UBE2E2: variants seen among roughly 807,000 people sequenced by gnomAD.
The protein encoded by UBE2E2 is ubiquitin conjugating enzyme E2 E2, also known as ubiquitin-conjugating enzyme E2 E2.
Under a neutral mutation model 24.7 loss-of-function variants are expected in UBE2E2, and 6 were observed. The ratio of observed to expected loss-of-function variants is 0.24; its 90% CI spans 0.13 to 0.48. UBE2E2 has a LOEUF of 0.48. Ranked by LOEUF, UBE2E2 falls within the 20% of genes least tolerant of loss-of-function variation. The pLI, the probability that UBE2E2 is intolerant of heterozygous loss-of-function variation, is 0.99. For missense variants in UBE2E2, 169 were observed against 245.0 expected (o/e 0.69, Z 2.07); for synonymous variants, 104 against 83.6 (o/e 1.24, Z -1.33).
intron 3 of UBE2E2, among the ~76,000 whole-genome samples, chr3:23,356,049 T>G (rs1202568959): frequency 6.6e-6 from 1 of 152,180 alleles, no homozygotes; most frequent in Non-Finnish European, 1.5e-5. Flanking sequence ...ATTAATTGTA[T>G]AGAAAGCTGG....
At chr3:23,274,350 G>A (rs752647135) in intron 3 of UBE2E2, among the ~76,000 whole-genome samples, 1 of 151,170 alleles carries the variant, frequency 6.6e-6, no homozygotes, top group Non-Finnish European at 1.5e-5. Context: ...TTCCTGGAAG[G>A]TCTTTCTGTT....
chr3:23,484,057 TG>T (rs1699311659), intron 3 of UBE2E2, among the ~76,000 whole-genome samples: 1 of 152,148 alleles, frequency 6.6e-6, no homozygotes, highest in South Asian at 2.1e-4. Context: ...AGAGTACTTT[TG>T]CAATTCTTTA....
intron 4 of UBE2E2, among the ~76,000 whole-genome samples, chr3:23,527,226 A>G (rs1025596797): frequency 2.0e-5 from 3 of 152,228 alleles, no homozygotes; most frequent in Non-Finnish European, 4.4e-5. Context: ...ATAAAATGGT[A>G]CAACCACTCT....
intron 5 of UBE2E2, among the ~76,000 whole-genome samples, chr3:23,533,667 A>G (rs1009879043): frequency 5.9e-5 from 7 of 118,724 alleles, no homozygotes; most frequent in Admixed American, 4.5e-4. Flanking sequence ...TGTGTCACCC[A>G]GGCTGGAGTG....
intron 3 of UBE2E2, among the ~76,000 whole-genome samples, chr3:23,326,360 C>T (rs1242331500): frequency 2.6e-5 from 4 of 152,168 alleles, no homozygotes; most frequent in South Asian, 2.1e-4. Context: ...CTTGAGCCAC[C>T]GTGCCTGGCC....
chr3:23,323,583 C>T (rs1660449614), intron 3 of UBE2E2: 2 of 449,998 alleles, frequency 4.4e-6, no homozygotes, highest in Non-Finnish European at 8.9e-6. Flanking sequence ...TGGATGCCCA[C>T]TAGGTAGGTA....
At chr3:23,218,681 G>A (rs772166795) in intron 3 of UBE2E2, among the ~76,000 whole-genome samples, 2 of 151,552 alleles carry the variant, frequency 1.3e-5, no homozygotes, top group African/African-American at 2.4e-5. Context: ...CCCAATCACC[G>A]GCAAAATAAA....
intron 3 of UBE2E2, among the ~76,000 whole-genome samples, chr3:23,334,820 G>A (rs1385780709): frequency 6.6e-6 from 1 of 152,152 alleles, no homozygotes; most frequent in African/African-American, 2.4e-5. Context: ...AAGGCAGTTA[G>A]CTATATGATT....
chr3:23,410,764 A>T, intron 3 of UBE2E2, among the ~76,000 whole-genome samples: 1 of 152,292 alleles, frequency 6.6e-6, no homozygotes, highest in South Asian at 2.1e-4. Context: ...TACTCTCAAG[A>T]CATTTATAAC....
intron 3 of UBE2E2, among the ~76,000 whole-genome samples, chr3:23,453,827 A>G (rs768150033): frequency 6.6e-6 from 1 of 152,166 alleles, no homozygotes; most frequent in Non-Finnish European, 1.5e-5. Context: ...GCATCTCTTC[A>G]TTGTGAAGAT....
At chr3:23,395,085 A>C (rs1306958806) in intron 3 of UBE2E2, among the ~76,000 whole-genome samples, 1 of 152,184 alleles carries the variant, frequency 6.6e-6, no homozygotes, top group Non-Finnish European at 1.5e-5. Flanking sequence ...AGCCCATAAG[A>C]AGCCTGAGAC....
intron 3 of UBE2E2, among the ~76,000 whole-genome samples, chr3:23,415,596 TCAG>T (rs1310472973): frequency 1.1e-4 from 16 of 152,176 alleles, no homozygotes; most frequent in Admixed American, 7.2e-4. Flanking sequence ...ATGTTTGAAA[TCAG>T]CAGTTAGTTT....
chr3:23,229,551 T>A (rs2125330855), intron 3 of UBE2E2, among the ~76,000 whole-genome samples: 1 of 152,320 alleles, frequency 6.6e-6, no homozygotes, highest in African/African-American at 2.4e-5. Flanking sequence ...GAAGACAGGC[T>A]TGGAAGGGTT....
chr3:23,565,066 A>G (rs1696035088), intron 5 of UBE2E2, among the ~76,000 whole-genome samples: 1 of 152,122 alleles, frequency 6.6e-6, no homozygotes, highest in Non-Finnish European at 1.5e-5. Flanking sequence ...TCAAAAAAGT[A>G]AACAATATAC....
At chr3:23,489,270 ACT>A (rs1274455132) in intron 3 of UBE2E2, among the ~76,000 whole-genome samples, 4 of 151,640 alleles carry the variant, frequency 2.6e-5, no homozygotes, top group Admixed American at 2.0e-4. Context: ...TAATTATATA[ACT>A]CACCATCATG....
rs1696099159 is a variant in UBE2E2, at chr3:23,204,727, T to C, written c.-9+1263T>C. ...AATCAGGTGTTCCACTGTTATTTTC[T>C]GCATAAATGTCTTTGCAGTTAAATT... On this transcript the variant is annotated intron_variant, in intron 1 of 5. Transcript: ENST00000396703. 17 of 985,484 alleles carry C rather than the reference T, an allele frequency of 1.7e-5. No homozygotes were observed. In the South Asian group the frequency reaches 8.0e-4, roughly 46 times the overall value. The allele number at this position is 985,484 out of a possible 1,614,324, so 61.0% of individuals were successfully genotyped here.
intron 3 of UBE2E2, among the ~76,000 whole-genome samples, chr3:23,475,798 C>T (rs1699120556): frequency 1.3e-5 from 2 of 152,046 alleles, no homozygotes; most frequent in African/African-American, 2.4e-5. Context: ...CAATTTAAGA[C>T]AACCCACCAG....
intron 4 of UBE2E2, among the ~76,000 whole-genome samples, chr3:23,508,944 G>T (rs1486978938): frequency 6.6e-6 from 1 of 152,134 alleles, no homozygotes; most frequent in Non-Finnish European, 1.5e-5. Flanking sequence ...CCAAAGAGGG[G>T]TGACTTTTCT....
intron 3 of UBE2E2, among the ~76,000 whole-genome samples, chr3:23,460,651 G>A (rs948623308): frequency 1.2e-4 from 19 of 152,292 alleles, no homozygotes; most frequent in African/African-American, 4.6e-4. Flanking sequence ...ACAGAAAGGA[G>A]AGATTATTTT....
Sources: gnomAD v4.1 joint callset for allele counts (sites outside exome capture counted in the v4.1 genomes callset) on GRCh38, gnomAD v4.1.1 for gene constraint, MANE v1.5 for transcripts, NCBI Gene and HGNC (gene_info 2026-07-23, HGNC 2026-07-21) for gene names.